The following DGKI variants were observed in gnomAD, a reference collection of about 807,000 sequenced individuals.
The protein encoded by DGKI is DAG kinase iota.
Under a neutral mutation model 147.5 loss-of-function variants are expected in DGKI, and 55 were observed. The observed-to-expected ratio is 0.37, with a 90% CI of 0.30 to 0.47. The LOEUF (loss-of-function observed/expected upper bound fraction) is 0.47. Among genes scored for constraint, DGKI ranks in the 20% least tolerant of loss-of-function variants. DGKI has a pLI of 1.00. For missense variants in DGKI, 1,007 were observed against 1,323.8 expected, an observed-to-expected ratio of 0.76 and a Z score of 3.71; for synonymous variants, 469 against 477.1, an observed-to-expected ratio of 0.98 and a Z score of 0.22.
chr7:137,803,895 A>T (rs1797286045), intron 1 of DGKI, among the ~76,000 whole-genome samples: 1 of 152,202 alleles, frequency 6.6e-6, no homozygotes, highest in South Asian at 2.1e-4. Context: ...TCACTATATC[A>T]TCTTAGATTC....
intron 19 of DGKI, among the ~76,000 whole-genome samples, chr7:137,570,593 A>ATG (rs1818759150): frequency 7.0e-6 from 1 of 143,326 alleles, no homozygotes; most frequent in African/African-American, 2.5e-5. Context: ...CTATAGTGTA[A>ATG]TTTTTTTTTT....
At chr7:137,773,716 CA>C (rs796915848) in intron 1 of DGKI, among the ~76,000 whole-genome samples, 60 of 147,306 alleles carry the variant, frequency 4.1e-4, no homozygotes, top group Non-Finnish European at 6.2e-4. Context: ...AACCAAAATA[CA>C]AAAAAAAAAT....
intron 19 of DGKI, among the ~76,000 whole-genome samples, chr7:137,556,567 C>A (rs1391378624): frequency 6.6e-6 from 1 of 151,930 alleles, no homozygotes; most frequent in East Asian, 1.9e-4. Context: ...ATTAAATAAA[C>A]AAATACAATA....
intron 27 of DGKI, among the ~76,000 whole-genome samples, chr7:137,451,109 T>C (rs906819045): frequency 6.6e-6 from 1 of 152,116 alleles, no homozygotes; most frequent in Admixed American, 6.6e-5. Context: ...GTCACAAACT[T>C]CGAAAACAAA....
intron 1 of DGKI, among the ~76,000 whole-genome samples, chr7:137,766,081 T>C (rs956701516): frequency 6.6e-6 from 1 of 151,922 alleles, no homozygotes; most frequent in Non-Finnish European, 1.5e-5. Context: ...CATTTACAGA[T>C]GAAGATAAGA....
Position 137,761,954 on chromosome 7 carries a change from G to A in DGKI, c.402-71952C>T, listed in dbSNP as rs188015228. 1.9e-4 allele frequency among the ~76,000 whole-genome samples: 29 copies of A among 152,190 alleles called. No homozygotes were observed. The South Asian group carries it at 2.1e-3, about 11-fold the overall frequency. ...GAAAACTGGTGCCGTCAATCACCTCGTCCTCATCCCTCATTTTCTAAGTCC... is the reference window on the plus strand; with the variant it reads ...GAAAACTGGTGCCGTCAATCACCTCATCCTCATCCCTCATTTTCTAAGTCC... On this transcript the variant is annotated intron_variant, in intron 1 of 32. Coordinates refer to ENST00000614521, the MANE Select transcript of DGKI (RefSeq NM_001321708.2).
intron 19 of DGKI, among the ~76,000 whole-genome samples, chr7:137,554,770 C>T (rs551241484): frequency 3.1e-4 from 47 of 151,978 alleles, no homozygotes; most frequent in African/African-American, 1.1e-3. Flanking sequence ...CAGCCTCATT[C>T]CTGGAACAAA....
intron 6 of DGKI, among the ~76,000 whole-genome samples, chr7:137,640,190 C>T (rs977053345): frequency 1.3e-5 from 2 of 152,046 alleles, no homozygotes; most frequent in African/African-American, 4.8e-5. Flanking sequence ...TTCCCCCTCC[C>T]AGGACGAATC....
intron 19 of DGKI, among the ~76,000 whole-genome samples, chr7:137,561,629 AT>A (rs1818423206): frequency 6.6e-6 from 1 of 152,234 alleles, no homozygotes; most frequent in Non-Finnish European, 1.5e-5. Flanking sequence ...AATTATCCTG[AT>A]TTGATCACTG....
chr7:137,791,327 G>A (rs922280527), intron 1 of DGKI, among the ~76,000 whole-genome samples: 6 of 152,112 alleles, frequency 3.9e-5, no homozygotes, highest in African/African-American at 1.4e-4. Flanking sequence ...TCTTAAATGT[G>A]CCTGATTATT....
intron 1 of DGKI, among the ~76,000 whole-genome samples, chr7:137,774,284 CT>C: frequency 6.6e-6 from 1 of 152,016 alleles, no homozygotes; most frequent in East Asian, 1.9e-4. Flanking sequence ...ATGTTAGCTC[CT>C]ATTTTCCCAA....
intron 1 of DGKI, among the ~76,000 whole-genome samples, chr7:137,761,615 C>A (rs1795858715): frequency 6.6e-6 from 1 of 152,148 alleles, no homozygotes; most frequent in Admixed American, 6.5e-5. Flanking sequence ...TGTATTTTCC[C>A]CCTTGGGCTC....
At position 137,749,691 on chromosome 7, in the gene DGKI, A is replaced by AT. The variant is rs548778159; in HGVS notation, c.402-59690dup. The stretch of plus-strand genomic sequence containing the variant: ...TGTTGAAGTTTACTCCAAATTTATC[A>AT]TTTTTTTTGAGGAATCAGGGTCCCT... On this transcript the variant is annotated intron_variant, in intron 1 of 32. Coordinates refer to ENST00000614521, the MANE Select transcript of DGKI (RefSeq NM_001321708.2). Among the ~76,000 whole-genome samples, 157 of 152,066 alleles carry AT rather than the reference A, an allele frequency of 1.0e-3. 2 individuals carry two copies. In the South Asian group the frequency reaches 0.029, roughly 28 times the overall value.
intron 15 of DGKI, among the ~76,000 whole-genome samples, chr7:137,578,938 A>C (rs1302039202): frequency 6.6e-6 from 1 of 152,214 alleles, no homozygotes; most frequent in Non-Finnish European, 1.5e-5. Flanking sequence ...AAAGAAATAC[A>C]ATATATGTAG....
chr7:137,536,068 A>C (rs969561285), intron 20 of DGKI, among the ~76,000 whole-genome samples: 3 of 151,714 alleles, frequency 2.0e-5, no homozygotes, highest in Admixed American at 6.6e-5. Context: ...CTTCATAATC[A>C]AGTTTCTTTT....
chr7:137,680,102 T>C (rs938286358), intron 2 of DGKI, among the ~76,000 whole-genome samples: 2 of 151,440 alleles, frequency 1.3e-5, no homozygotes, highest in Non-Finnish European at 2.9e-5. Flanking sequence ...GGAGCCCTCA[T>C]AATGGGATTA....
At chr7:137,615,298 A>T (rs936729662) in intron 8 of DGKI, among the ~76,000 whole-genome samples, 4 of 151,336 alleles carry the variant, frequency 2.6e-5, no homozygotes, top group Non-Finnish European at 5.9e-5. Flanking sequence ...ATCCACAAAC[A>T]CTCTGCCCAG....
intron 27 of DGKI, chr7:137,453,341 G>C (rs1293655899): frequency 6.6e-6 from 1 of 152,184 alleles, no homozygotes; most frequent in African/African-American, 2.4e-5. Context: ...GAAAGAATGA[G>C]ACCATGGATC....
At chr7:137,415,530 C>G (rs1007496275) in intron 28 of DGKI, among the ~76,000 whole-genome samples, 19 of 152,162 alleles carry the variant, frequency 1.2e-4, no homozygotes, top group African/African-American at 3.6e-4. Flanking sequence ...TTAGCAATCA[C>G]AGGTCCAAGA....
Sources: allele counts gnomAD v4.1 joint callset (sites outside exome capture counted in the v4.1 genomes callset), GRCh38; gene constraint gnomAD v4.1.1; transcripts MANE v1.5; gene names NCBI Gene and HGNC (gene_info 2026-07-23, HGNC 2026-07-21).